ASCC3: variants seen among roughly 807,000 people sequenced by gnomAD.
The protein encoded by ASCC3 is ASC-1 complex subunit P200.
Under a neutral mutation model 256.3 loss-of-function variants are expected in ASCC3, and 158 were observed. The ratio of observed to expected loss-of-function variants is 0.62; its 90% CI spans 0.54 to 0.70. ASCC3 has a LOEUF of 0.70. ASCC3 is among the 30% of genes least tolerant of loss of function. The pLI is 0.00. For synonymous variants in ASCC3, 948 were observed against 883.4 expected, an observed-to-expected ratio of 1.07 and a Z score of -1.30; for missense variants, 2,259 against 2,626.0, an observed-to-expected ratio of 0.86 and a Z score of 3.05.
intron 26 of ASCC3, among the ~76,000 whole-genome samples, chr6:100,630,693 GA>G (rs538302017): frequency 2.6e-5 from 4 of 151,248 alleles, no homozygotes; most frequent in African/African-American, 4.9e-5. Context: ...AATTATTAAT[GA>G]AAAAAACCCC....
intron 30 of ASCC3, among the ~76,000 whole-genome samples, chr6:100,613,163 A>G (rs886494915): frequency 4.0e-5 from 6 of 150,914 alleles, no homozygotes; most frequent in African/African-American, 1.5e-4. Flanking sequence ...TAGATTGCGT[A>G]GTGGGCAAGT....
chr6:100,525,838 C>T lies in ASCC3; in HGVS notation c.5776-7696G>A, dbSNP rs571251296. On this transcript the variant is annotated intron_variant, in intron 37 of 41. Transcript: ENST00000369162. ...GCAAAAAGTTTATTTAAAAAAATTA[C>T]GGAAATTGATCCTAGGCAGCTTGTT... Among the ~76,000 whole-genome samples, 12 of 152,194 alleles carry T rather than the reference C, an allele frequency of 7.9e-5. No homozygotes were observed. The South Asian group carries it at 1.2e-3, about 16-fold the overall frequency.
At chr6:100,546,613 T>G (rs939053972) in intron 36 of ASCC3, among the ~76,000 whole-genome samples, 1 of 152,132 alleles carries the variant, frequency 6.6e-6, no homozygotes, top group African/African-American at 2.4e-5. Flanking sequence ...GCAACCAACA[T>G]CATTTAGTTG....
intron 4 of ASCC3, among the ~76,000 whole-genome samples, chr6:100,825,453 C>T (rs1236350998): frequency 5.9e-5 from 9 of 152,050 alleles, no homozygotes; most frequent in African/African-American, 9.7e-5. Flanking sequence ...GTCCCTTTTA[C>T]GGAGCCTCTT....
chr6:100,597,431 T>C (rs148654355), intron 34 of ASCC3, among the ~76,000 whole-genome samples: 1 of 152,306 alleles, frequency 6.6e-6, no homozygotes, highest in African/African-American at 2.4e-5. Context: ...GTAAATTTTA[T>C]GATTTTTGAG....
intron 7 of ASCC3, 138 bp from the exon 8 acceptor site, chr6:100,798,976 GAAAAC>G: frequency 6.1e-6 from 5 of 822,456 alleles, no homozygotes; most frequent in Non-Finnish European, 9.2e-6. Context: ...TAATTTAAAA[GAAAAC>G]AAACTTAAAT....
At chr6:100,740,872 T>C (rs1177857209) in intron 10 of ASCC3, among the ~76,000 whole-genome samples, 1 of 152,260 alleles carries the variant, frequency 6.6e-6, no homozygotes, top group African/African-American at 2.4e-5. Context: ...CAGTGTCTTT[T>C]AATTGGGGCT....
chr6:100,689,176 C>A (rs1261656394), intron 13 of ASCC3, among the ~76,000 whole-genome samples: 1 of 152,144 alleles, frequency 6.6e-6, no homozygotes, highest in Non-Finnish European at 1.5e-5. Context: ...TCCCATCACA[C>A]GTTGTTCATA....
At chr6:100,816,343 C>T (rs1020297451) in intron 4 of ASCC3, among the ~76,000 whole-genome samples, 4 of 152,082 alleles carry the variant, frequency 2.6e-5, no homozygotes, top group African/African-American at 9.7e-5. Context: ...TTGTGGAAAG[C>T]AGTGTGGCAA....
intron 32 of ASCC3, 123 bp from the exon 33 acceptor site, chr6:100,605,823 T>C (rs1424967534): frequency 8.8e-7 from 1 of 1,131,084 alleles, no homozygotes; most frequent in African/African-American, 1.5e-5. Flanking sequence ...TGTGATAATA[T>C]GTTTGCTATG....
intron 13 of ASCC3, among the ~76,000 whole-genome samples, chr6:100,700,673 AC>A (rs1778314000): frequency 6.6e-6 from 1 of 152,230 alleles, no homozygotes; most frequent in Non-Finnish European, 1.5e-5. Context: ...TGGATGTGAG[AC>A]ATGGAGTCAA....
At position 100,589,951 on chromosome 6, in the gene ASCC3, T is replaced by C. The variant is rs577646621; in HGVS notation, c.5412A>G (p.Gly1804=). The change falls in exon 35 of 42, where the codon GGA becomes GGG. Residue 1804 remains glycine (G), a synonymous_variant. Coordinates refer to ENST00000369162, the MANE Select transcript of ASCC3 (RefSeq NM_006828.4). The stretch of plus-strand genomic sequence containing the variant: ...AATGCATATGACTAAGTCATACCTC[T>C]CCAATTTCAATACAGTAGGAAAGTT... The part of the protein sequence containing the change: ...ELELSYCIEI[G]EDNRSIEPLT... The C allele has an allele frequency of 5.0e-6, 8 of 1,610,912 alleles. No homozygotes were observed. Among genetic ancestry groups the C allele is most frequent in the Non-Finnish European group, 5.1e-6 (6 of 1,177,264 alleles).
At chr6:100,588,425 A>T (rs1771817423) in intron 36 of ASCC3, among the ~76,000 whole-genome samples, 1 of 152,178 alleles carries the variant, frequency 6.6e-6, no homozygotes, top group African/African-American at 2.4e-5. Flanking sequence ...TCCCCAGAGA[A>T]ATCCTACTTT....
chr6:100,826,288 C>T (rs759799881), intron 4 of ASCC3, among the ~76,000 whole-genome samples: 4 of 151,958 alleles, frequency 2.6e-5, no homozygotes, highest in African/African-American at 4.8e-5. Context: ...CCCACCACCA[C>T]GCCCGGCTAA....
chr6:100,577,611 C>T (rs915911740), intron 36 of ASCC3, among the ~76,000 whole-genome samples: 1 of 152,182 alleles, frequency 6.6e-6, no homozygotes, highest in Non-Finnish European at 1.5e-5. Context: ...GCAACACCTG[C>T]TGTCATCCTT....
At chr6:100,588,455 G>A (rs1203637147) in intron 36 of ASCC3, among the ~76,000 whole-genome samples, 3 of 152,080 alleles carry the variant, frequency 2.0e-5, no homozygotes, top group Non-Finnish European at 4.4e-5. Context: ...TTGGCTAGGA[G>A]CTGATATAAA....
chr6:100,521,019 C>T (rs1240658314), intron 37 of ASCC3, among the ~76,000 whole-genome samples: 4 of 152,068 alleles, frequency 2.6e-5, no homozygotes, highest in African/African-American at 9.7e-5. Context: ...ATTCTAGTCC[C>T]AGCACAGTGC....
At chr6:100,709,055 C>T (rs1483289957) in intron 13 of ASCC3, among the ~76,000 whole-genome samples, 5 of 150,374 alleles carry the variant, frequency 3.3e-5, no homozygotes, top group African/African-American at 1.2e-4. Flanking sequence ...TAGATCATAA[C>T]CTTACATAGC....
intron 8 of ASCC3, among the ~76,000 whole-genome samples, chr6:100,795,626 G>A (rs1476935222): frequency 2.0e-5 from 3 of 152,018 alleles, no homozygotes; most frequent in African/African-American, 7.2e-5. Flanking sequence ...TTCCAAGAAA[G>A]TACAAAATCC....
Sources: gnomAD v4.1 joint callset for allele counts (sites outside exome capture counted in the v4.1 genomes callset) on GRCh38, gnomAD v4.1.1 for gene constraint, MANE v1.5 for transcripts, NCBI Gene and HGNC (gene_info 2026-07-23, HGNC 2026-07-21) for gene names.